Variants in ABCB5 observed in about 807,000 individuals in gnomAD.
The protein encoded by ABCB5 is ATP binding cassette subfamily B member 5, also known as ATP-binding cassette sub-family B member 5.
ABCB5 carries 155 observed loss-of-function variants against 144.2 expected under a neutral mutation model. The observed-to-expected ratio is 1.08, with a 90% CI of 0.94 to 1.23. The LOEUF is 1.23. Among genes scored for constraint, ABCB5 ranks in the 50% most tolerant of loss-of-function variants. The probability of loss-of-function intolerance (pLI) is 0.00; values close to 1 mark genes in which losing one functional copy is unlikely to be tolerated. For synonymous variants in ABCB5, 610 were observed against 528.6 expected, an observed-to-expected ratio of 1.15 and a Z score of -2.11; for missense variants, 1,830 against 1,520.8, an observed-to-expected ratio of 1.20 and a Z score of -3.38.
At chr7:20,744,487 A>C (rs1583466073) in intron 25 of ABCB5, among the ~76,000 whole-genome samples, 1 of 150,890 alleles carries the variant, frequency 6.6e-6, no homozygotes. Context: ...GCCTCTCCAT[A>C]CCCTCCCCAC....
In ABCB5 at chr7:20,635,278, C is replaced by G. The variant is rs917543089; in HGVS notation, c.314+3165C>G. ...TTGATCTATGTGTCTATTATTATAC[C>G]AGTACCATGATATTTTCGTTACTAT... is the stretch of plus-strand genomic sequence containing the variant. On this transcript the variant is annotated intron_variant, in intron 5 of 27. Coordinates refer to ENST00000404938, the MANE Select transcript of ABCB5 (RefSeq NM_001163941.2). Among the ~76,000 whole-genome samples the G allele has an allele frequency of 5.3e-5, 8 of 151,988 alleles. No homozygotes were observed. In the South Asian group the frequency reaches 1.0e-3, roughly 20 times the overall value.
intron 19 of ABCB5, among the ~76,000 whole-genome samples, 161 bp downstream of exon 19, chr7:20,700,296 T>C (rs976677230): frequency 5.3e-5 from 8 of 152,212 alleles, no homozygotes; most frequent in African/African-American, 1.9e-4. Context: ...TCTTATATTT[T>C]TCTAAAAGAA....
At chr7:20,698,236 A>C (rs1272490621) in intron 16 of ABCB5, among the ~76,000 whole-genome samples, 171 bp from the exon 17 acceptor site, 1 of 152,168 alleles carries the variant, frequency 6.6e-6, no homozygotes, top group East Asian at 1.9e-4. Flanking sequence ...TTTATGCTTT[A>C]GGGTCATCGT....
intron 14 of ABCB5, among the ~76,000 whole-genome samples, chr7:20,665,732 T>G (rs547437218): frequency 7.5e-6 from 1 of 134,022 alleles, no homozygotes; most frequent in Non-Finnish European, 1.6e-5. Context: ...GAAAGATAGA[T>G]AGATAGATAG....
At chr7:20,651,665 A>C (rs199941390) in intron 13 of ABCB5, 42 bp downstream of exon 13, 5 of 1,588,122 alleles carry the variant, frequency 3.1e-6, no homozygotes, top group African/African-American at 1.3e-5. Flanking sequence ...TTATGGTGGC[A>C]GCGCTGCGAC....
chr7:20,699,477 G>C (rs1562567715), intron 17 of ABCB5, among the ~76,000 whole-genome samples: 1 of 151,996 alleles, frequency 6.6e-6, no homozygotes, highest in Non-Finnish European at 1.5e-5. Context: ...GAGGCAGCCG[G>C]ATCACTTGAG....
rs868557305 is a variant in ABCB5, at chr7:20,698,494, G to A, written c.2098G>A (p.Val700Ile). Residue 700 changes from valine (V) to isoleucine (I), a missense_variant, in exon 17 of 28, where the codon GTT (valine) becomes ATT (isoleucine). Val to Ile is a conservative substitution (Grantham distance 29, BLOSUM62 3). Transcript: ENST00000404938. ...PFVVLGTLASVLNGTVHPVFS... is the reference protein window; with the variant it reads ...PFVVLGTLASILNGTVHPVFS... Reference sequence around the variant, plus strand: ...TGTGGTTCTGGGGACATTGGCTTCTGTTCTAAATGGAACTGTTCATCCAGT... The same window carrying A: ...TGTGGTTCTGGGGACATTGGCTTCTATTCTAAATGGAACTGTTCATCCAGT... 1.2e-6 allele frequency: 2 copies of A among 1,605,178 alleles called. No homozygotes were observed. The highest frequency in any genetic ancestry group is 2.7e-5 in the African/African-American group (2 of 74,198).
At chr7:20,667,446 A>G in intron 14 of ABCB5, 4 of 985,378 alleles carry the variant, frequency 4.1e-6, no homozygotes, top group Non-Finnish European at 4.8e-6. Context: ...GACCTTTTCT[A>G]GTTGCAACCT....
At chr7:20,667,894 GT>G (rs1338307830) in intron 14 of ABCB5, among the ~76,000 whole-genome samples, 6 of 138,902 alleles carry the variant, frequency 4.3e-5, no homozygotes, top group African/African-American at 5.4e-5. Flanking sequence ...ACTGGTTTTC[GT>G]TTTTTTTTTG....
chr7:20,731,369 A>AAATATAT (rs57305244), intron 23 of ABCB5, among the ~76,000 whole-genome samples: 3 of 123,074 alleles, frequency 2.4e-5, no homozygotes, highest in Non-Finnish European at 4.8e-5. Flanking sequence ...AAAAAAAAAA[A>AAATATAT]ATATATATAT....
intron 19 of ABCB5, among the ~76,000 whole-genome samples, chr7:20,703,648 A>G (rs936240193): frequency 2.0e-5 from 3 of 152,158 alleles, no homozygotes; most frequent in African/African-American, 7.2e-5. Context: ...AAAATAAACC[A>G]TCTTTCAGAG....
intron 12 of ABCB5, 98 bp downstream of exon 12, chr7:20,650,245 G>A (rs1784540830): frequency 6.9e-7 from 1 of 1,452,530 alleles, no homozygotes; most frequent in East Asian, 2.4e-5. Context: ...CAACAGTAGA[G>A]CTGGGAGAGA....
intron 4 of ABCB5, among the ~76,000 whole-genome samples, chr7:20,630,039 T>C (rs992951489): frequency 1.4e-4 from 21 of 151,576 alleles, no homozygotes; most frequent in African/African-American, 3.9e-4. Context: ...GTATCGTTTG[T>C]AGCCTCCTAT....
chr7:20,660,411 A>T (rs1784966632), intron 14 of ABCB5: 1 of 985,478 alleles, frequency 1.0e-6, no homozygotes, highest in South Asian at 4.7e-5. Context: ...AAACTGCTTT[A>T]TGTATGGTTT....
chr7:20,742,948 C>G lies in ABCB5; in HGVS notation c.3096C>G (p.Ile1032Met), dbSNP rs1163491294. 1 of 1,614,028 alleles carries G rather than the reference C, an allele frequency of 6.2e-7. No homozygotes were observed. The highest frequency in any genetic ancestry group is 1.3e-5 in the African/African-American group (1 of 74,908). Residue 1032 changes from isoleucine to methionine, a missense_variant, in exon 25 of 28, where the codon ATC becomes ATG. Transcript: ENST00000404938. Reference sequence around the variant, plus strand: ...ATCCATGTCGCCCAGATGTTTTCATCCTCCGTGGCTTATCCCTCAGTATTG... The same window carrying G: ...ATCCATGTCGCCCAGATGTTTTCATGCTCCGTGGCTTATCCCTCAGTATTG... Reference protein sequence around the residue: ...FFYPCRPDVFILRGLSLSIER... With the variant: ...FFYPCRPDVFMLRGLSLSIER...
chr7:20,738,810 T>C (rs946781483), intron 23 of ABCB5, among the ~76,000 whole-genome samples, 173 bp from the exon 24 acceptor site: 1 of 152,192 alleles, frequency 6.6e-6, no homozygotes, highest in Non-Finnish European at 1.5e-5. Context: ...AAGGAATGAT[T>C]ACTACATGGT....
At position 20,633,711 on chromosome 7, in the gene ABCB5, A is replaced by T. The variant is rs187372853; in HGVS notation, c.314+1598A>T. ...AACTATAGCACTATAGGACATTAGA[A>T]CTTATTTCTCCTATCTACCTATAAC... On this transcript the variant is annotated intron_variant, in intron 5 of 27. Coordinates refer to ENST00000404938, the MANE Select transcript of ABCB5 (RefSeq NM_001163941.2). Among the ~76,000 whole-genome samples the T allele has an allele frequency of 1.6e-4, 25 of 152,234 alleles. 1 individual carries two copies. The East Asian group carries it at 3.7e-3, about 22-fold the overall frequency.
rs189992653 is a variant in ABCB5 at position 20,731,268 on chromosome 7, G to T, written c.2867+2813G>T. Among the ~76,000 whole-genome samples the T allele has an allele frequency of 4.0e-3, 595 of 150,536 alleles. 1 individual carries two copies. Among genetic ancestry groups the T allele is most frequent in the Middle Eastern group, 0.01 (3 of 292 alleles). ...ACTTGGGAGGTGAGGGACAAGAATT[G>T]CTTCAACCCCGGAGGTGGAGGTTGC... On this transcript the variant is annotated intron_variant, in intron 23 of 27. Transcript: ENST00000404938.
At chr7:20,703,094 T>A (rs1233847010) in intron 19 of ABCB5, among the ~76,000 whole-genome samples, 1 of 152,096 alleles carries the variant, frequency 6.6e-6, no homozygotes, top group Non-Finnish European at 1.5e-5. Context: ...TTACAGCGAG[T>A]TACTATAGAA....
Sources: allele counts gnomAD v4.1 joint callset (sites outside exome capture counted in the v4.1 genomes callset), GRCh38; gene constraint gnomAD v4.1.1; transcripts MANE v1.5; gene names NCBI Gene and HGNC (gene_info 2026-07-23, HGNC 2026-07-21).